The following GRK3 variants were observed in gnomAD, a reference collection of about 807,000 sequenced individuals.
GRK3 encodes G protein-coupled receptor kinase 3.
GRK3 carries 54 observed loss-of-function variants against 95.7 expected under a neutral mutation model. That is an observed-to-expected ratio of 0.56 (90% confidence interval 0.45 to 0.71). The LOEUF (loss-of-function observed/expected upper bound fraction) is 0.71. Ranked by LOEUF, GRK3 falls within the 30% of genes least tolerant of loss-of-function variation. The pLI, the probability that GRK3 is intolerant of heterozygous loss-of-function variation, is 0.00. For missense variants in GRK3, 649 were observed against 851.2 expected (o/e 0.76, Z 2.96); for synonymous variants, 281 against 290.8 (o/e 0.97, Z 0.34).
chr22:25,694,736 C>T (rs1013476912), intron 12 of GRK3, among the ~76,000 whole-genome samples: 2 of 152,186 alleles, frequency 1.3e-5, no homozygotes, highest in Non-Finnish European at 2.9e-5. Context: ...GTCGCCTGTT[C>T]ATCATCCGTT....
chr22:25,714,229 T>C lies in GRK3; in HGVS notation c.1492-179T>C, dbSNP rs186779567. On this transcript the variant is annotated intron_variant, in intron 17 of 20. Transcript: ENST00000324198. The stretch of plus-strand genomic sequence containing the variant: ...GTTCTGTTTGTGGATGATGATTGCT[T>C]GAGTTGTCATTAGCAGAGATTTATG... Among the ~76,000 whole-genome samples the C allele has an allele frequency of 8.4e-4, 128 of 152,308 alleles. 1 individual carries two copies. In the East Asian group the frequency reaches 0.012, roughly 14 times the overall value.
Position 25,722,723 on chromosome 22 carries a change from A to T in GRK3, c.*273A>T, listed in dbSNP as rs2085443416. On this transcript the variant is annotated 3_prime_UTR_variant, in exon 21 of 21. Coordinates refer to ENST00000324198, the MANE Select transcript of GRK3 (RefSeq NM_005160.4). Reference sequence around the variant, plus strand: ...TGAAGTGACTCCTACTTATCACGTAAATTTTTATGTCTGATATCAAACACA... The same window carrying T: ...TGAAGTGACTCCTACTTATCACGTATATTTTTATGTCTGATATCAAACACA... The T allele has an allele frequency of 3.1e-6, 1 of 320,084 alleles. No individual in the cohort carries two copies. The highest frequency in any genetic ancestry group is 5.8e-6 in the Non-Finnish European group (1 of 173,434). 19.8% of individuals were successfully genotyped at this position (320,084 alleles called of 1,614,324 possible). A position where few individuals can be genotyped will look rare whatever the true frequency, so the allele number is the denominator to read the frequency against.
At chr22:25,582,742 T>C (rs1366766255) in intron 1 of GRK3, among the ~76,000 whole-genome samples, 3 of 152,186 alleles carry the variant, frequency 2.0e-5, no homozygotes, top group African/African-American at 7.2e-5. Flanking sequence ...TGATGTGTGG[T>C]AGCTGTCTAT....
intron 2 of GRK3, among the ~76,000 whole-genome samples, chr22:25,625,411 G>A (rs2084620010): frequency 6.6e-6 from 1 of 152,196 alleles, no homozygotes; most frequent in South Asian, 2.1e-4. Flanking sequence ...TTTCTGTTAT[G>A]CCCAGACAGG....
chr22:25,572,078 A>G (rs576058482), intron 1 of GRK3, among the ~76,000 whole-genome samples: 14 of 151,270 alleles, frequency 9.3e-5, no homozygotes, highest in South Asian at 4.2e-4. Flanking sequence ...TCATTGTTCA[A>G]TTCCCACCTA....
chr22:25,710,811 TTTGAAAATTA>T (rs2085338180), intron 16 of GRK3, among the ~76,000 whole-genome samples: 1 of 152,258 alleles, frequency 6.6e-6, no homozygotes, highest in South Asian at 2.1e-4. Flanking sequence ...TTTTGTTATA[TTTGAAAATTA>T]TTGAAGGCTT....
At chr22:25,670,972 T>C (rs915087151) in intron 6 of GRK3, among the ~76,000 whole-genome samples, 14 of 148,728 alleles carry the variant, frequency 9.4e-5, no homozygotes, top group African/African-American at 3.5e-4. Flanking sequence ...GAGAATGGCA[T>C]GAACCCGGGA....
intron 1 of GRK3, among the ~76,000 whole-genome samples, chr22:25,582,606 G>T (rs973856201): frequency 6.6e-6 from 1 of 152,168 alleles, no homozygotes; most frequent in Non-Finnish European, 1.5e-5. Flanking sequence ...AAACAATGGA[G>T]ATTTGCTCTA....
chr22:25,671,207 G>A (rs1049792561), intron 6 of GRK3, among the ~76,000 whole-genome samples: 1 of 151,810 alleles, frequency 6.6e-6, no homozygotes, highest in Non-Finnish European at 1.5e-5. Context: ...CCACGTGGTG[G>A]CGGGCGCCTG....
At chr22:25,686,804 T>TA (rs2085118184) in intron 10 of GRK3, among the ~76,000 whole-genome samples, 1 of 152,196 alleles carries the variant, frequency 6.6e-6, no homozygotes. Flanking sequence ...CTTTGTCAAA[T>TA]ATCTGTCTGT....
rs77538998 is a variant in GRK3 at position 25,717,881 on chromosome 22, C to T, written c.1655-364C>T. On this transcript the variant is annotated intron_variant, in intron 18 of 20. Transcript: ENST00000324198. ...GGGGAATCCCAACCCCACGTAAAGG[C>T]GAAGGTACTTTGGGGATAGCTTGAC... 2.8e-3 allele frequency among the ~76,000 whole-genome samples: 422 copies of T among 152,224 alleles called. 3 individuals are homozygous for T. Among genetic ancestry groups the T allele is most frequent in the Non-Finnish European group, 5.0e-3 (342 of 68,024 alleles).
intron 17 of GRK3, among the ~76,000 whole-genome samples, chr22:25,713,454 C>T (rs574174791): frequency 6.6e-6 from 1 of 152,346 alleles, no homozygotes; most frequent in East Asian, 1.9e-4. Flanking sequence ...TGGGATGCAG[C>T]TTCTTCTGGT....
At chr22:25,639,078 G>C (rs1250723625) in intron 2 of GRK3, among the ~76,000 whole-genome samples, 1 of 152,042 alleles carries the variant, frequency 6.6e-6, no homozygotes, top group Non-Finnish European at 1.5e-5. Context: ...TGTAAGAATT[G>C]TCTTTGTTTG....
In GRK3 at chr22:25,667,809, C is replaced by T; in HGVS notation, c.503+9C>T. On this transcript the variant is annotated intron_variant, in intron 6 of 20. Coordinates refer to ENST00000324198, the MANE Select transcript of GRK3 (RefSeq NM_005160.4). ...CAAAAATTTATGGAAAGGTATGAAACTTTATGCATATATATACACAATTTT... is the reference window on the plus strand; with the variant it reads ...CAAAAATTTATGGAAAGGTATGAAATTTTATGCATATATATACACAATTTT... 2 of 1,560,362 alleles carry T rather than the reference C, an allele frequency of 1.3e-6. No homozygotes were observed. The highest frequency in any genetic ancestry group is 1.8e-6 in the Non-Finnish European group (2 of 1,131,574).
chr22:25,612,297 G>A (rs2084504027), intron 2 of GRK3, among the ~76,000 whole-genome samples: 1 of 151,954 alleles, frequency 6.6e-6, no homozygotes, highest in Non-Finnish European at 1.5e-5. Flanking sequence ...TATCTTTTTT[G>A]CATGTGGATA....
At chr22:25,588,775 T>C (rs1932401111) in intron 1 of GRK3, among the ~76,000 whole-genome samples, 1 of 109,462 alleles carries the variant, frequency 9.1e-6, no homozygotes, top group African/African-American at 4.0e-5. Flanking sequence ...AGTTCATTAA[T>C]TTTTTTTTTT....
At chr22:25,676,690 C>CAAAA (rs34695269) in intron 8 of GRK3, among the ~76,000 whole-genome samples, 204 of 123,280 alleles carry the variant, frequency 1.7e-3, no homozygotes, top group African/African-American at 5.1e-3. Context: ...GACTCAGTCT[C>CAAAA]AAAAAAAAAA....
At chr22:25,703,937 T>G (rs1447517972) in intron 14 of GRK3, among the ~76,000 whole-genome samples, 172 bp from the exon 15 acceptor site, 1 of 152,226 alleles carries the variant, frequency 6.6e-6, no homozygotes, top group East Asian at 1.9e-4. Context: ...GCCTCATTGA[T>G]TTTGCAACTG....
intron 1 of GRK3, among the ~76,000 whole-genome samples, chr22:25,569,307 C>A (rs1251182588): frequency 6.6e-6 from 1 of 152,228 alleles, no homozygotes; most frequent in Admixed American, 6.5e-5. Context: ...GTTATTATCT[C>A]ATTCTTGGTC....
Sources: gnomAD v4.1 joint callset for allele counts (sites outside exome capture counted in the v4.1 genomes callset) on GRCh38, gnomAD v4.1.1 for gene constraint, MANE v1.5 for transcripts, NCBI Gene and HGNC (gene_info 2026-07-23, HGNC 2026-07-21) for gene names.